PLPP3: variants seen among roughly 807,000 people sequenced by gnomAD.
The protein encoded by PLPP3 is PAP2 beta.
Under a neutral mutation model 29.6 loss-of-function variants are expected in PLPP3, and 6 were observed. The observed-to-expected ratio is 0.20, with a 90% CI of 0.11 to 0.40. The LOEUF is 0.40. Among genes scored for constraint, PLPP3 ranks in the 10% least tolerant of loss-of-function variants. The probability of loss-of-function intolerance (pLI) is 1.00; values close to 1 mark genes in which losing one functional copy is unlikely to be tolerated. For missense variants in PLPP3, 308 were observed against 407.7 expected (o/e 0.76, Z 2.11); for synonymous variants, 152 against 159.7 (o/e 0.95, Z 0.36).
At chr1:56,533,003 G>A (rs1352298864) in intron 2 of PLPP3, among the ~76,000 whole-genome samples, 1 of 151,898 alleles carries the variant, frequency 6.6e-6, no homozygotes, top group African/African-American at 2.4e-5. Context: ...TACCTACCAT[G>A]TGCCCAGAGG....
intron 1 of PLPP3, among the ~76,000 whole-genome samples, chr1:56,554,955 C>T (rs1229064839): frequency 6.6e-6 from 1 of 151,702 alleles, no homozygotes; most frequent in Admixed American, 6.6e-5. Context: ...TTTTTTTTTC[C>T]CAATAAATAT....
At chr1:56,511,294 A>G (rs1019414363) in intron 5 of PLPP3, among the ~76,000 whole-genome samples, 1 of 152,202 alleles carries the variant, frequency 6.6e-6, no homozygotes, top group African/African-American at 2.4e-5. Context: ...GAGATGAAGT[A>G]TGTGAAAAGG....
At chr1:56,500,799 G>C (rs1645662142) in intron 5 of PLPP3, among the ~76,000 whole-genome samples, 1 of 152,064 alleles carries the variant, frequency 6.6e-6, no homozygotes. Flanking sequence ...GAGGTCAGGA[G>C]TTAGAGACCA....
intron 1 of PLPP3, among the ~76,000 whole-genome samples, chr1:56,575,507 G>A (rs561219180): frequency 5.3e-5 from 8 of 152,180 alleles, no homozygotes; most frequent in Non-Finnish European, 8.8e-5. Flanking sequence ...CTGGAAGACT[G>A]GGACCAACTT....
At chr1:56,555,455 A>G (rs796699271) in intron 1 of PLPP3, among the ~76,000 whole-genome samples, 1 of 149,308 alleles carries the variant, frequency 6.7e-6, no homozygotes, top group Admixed American at 6.7e-5. Context: ...AAAAAAAAAA[A>G]AAAAACAAAA....
intron 5 of PLPP3, among the ~76,000 whole-genome samples, chr1:56,503,249 T>G (rs529622042): frequency 6.6e-6 from 1 of 152,274 alleles, no homozygotes; most frequent in South Asian, 2.1e-4. Context: ...AGTGTGACAC[T>G]GGAAATCAGA....
intron 1 of PLPP3, among the ~76,000 whole-genome samples, chr1:56,551,205 C>G (rs1159450062): frequency 6.6e-6 from 1 of 151,716 alleles, no homozygotes; most frequent in Non-Finnish European, 1.5e-5. Flanking sequence ...ACAATGTGAA[C>G]TGCAGAAAAC....
intron 1 of PLPP3, among the ~76,000 whole-genome samples, chr1:56,542,156 G>T (rs1645974969): frequency 6.6e-6 from 1 of 152,114 alleles, no homozygotes. Context: ...AAAGCATGAA[G>T]AAAGGCCCCT....
At chr1:56,527,918 T>C (rs1398008417) in intron 2 of PLPP3, among the ~76,000 whole-genome samples, 3 of 152,144 alleles carry the variant, frequency 2.0e-5, no homozygotes, top group Non-Finnish European at 4.4e-5. Flanking sequence ...ACTTTATTCA[T>C]TACTCACAAT....
At chr1:56,511,907 G>A in intron 5 of PLPP3, 69 bp downstream of exon 5, 1 of 1,580,182 alleles carries the variant, frequency 6.3e-7, no homozygotes, top group Non-Finnish European at 8.7e-7. Context: ...TTTAGTCACT[G>A]AGCTGGAAAC....
chr1:56,565,411 TA>T (rs1356393890), intron 1 of PLPP3, among the ~76,000 whole-genome samples: 7 of 151,850 alleles, frequency 4.6e-5, no homozygotes, highest in African/African-American at 7.3e-5. Context: ...ATAAAAGGCC[TA>T]AAGTCCCTTC....
intron 5 of PLPP3, among the ~76,000 whole-genome samples, chr1:56,500,929 G>A (rs757220374): frequency 1.3e-5 from 2 of 151,028 alleles, no homozygotes; most frequent in Non-Finnish European, 2.9e-5. Flanking sequence ...ACTTGGACCT[G>A]GGAGGCGGAG....
chr1:56,576,531 T>A (rs1026787510), intron 1 of PLPP3, among the ~76,000 whole-genome samples: 1 of 152,206 alleles, frequency 6.6e-6, no homozygotes, highest in African/African-American at 2.4e-5. Context: ...ATTAGTGATA[T>A]TGTAATTGGC....
intron 1 of PLPP3, among the ~76,000 whole-genome samples, chr1:56,549,361 T>C (rs1646024256): frequency 6.6e-6 from 1 of 152,198 alleles, no homozygotes; most frequent in Admixed American, 6.6e-5. Context: ...TCAGTAAGAC[T>C]GCACAAGCAA....
intron 1 of PLPP3, among the ~76,000 whole-genome samples, chr1:56,571,553 C>A (rs553235828): frequency 2.0e-5 from 3 of 152,170 alleles, no homozygotes; most frequent in Admixed American, 1.3e-4. Flanking sequence ...CTCCAAGGTA[C>A]TTCCAAATTC....
chr1:56,556,620 G>A (rs1321420028), intron 1 of PLPP3, among the ~76,000 whole-genome samples: 2 of 151,630 alleles, frequency 1.3e-5, no homozygotes, highest in Non-Finnish European at 2.9e-5. Context: ...TTATGCTAGT[G>A]TCAAAAATGA....
chr1:56,571,357 T>G (rs930159494), intron 1 of PLPP3, among the ~76,000 whole-genome samples: 8 of 152,192 alleles, frequency 5.3e-5, no homozygotes, highest in African/African-American at 1.9e-4. Context: ...AAATGAGGAT[T>G]TATGAGGCAT....
At position 56,579,171 on chromosome 1, in the gene PLPP3, C is replaced by T. The variant is rs1646259722; in HGVS notation, c.-155G>A. ...CGCGGCGGCTAGAGTGCAGCCGGGG[C>T]TGCCTGCCTCCAACTGCAGAAGGTG... On this transcript the variant is annotated 5_prime_UTR_variant, in exon 1 of 6. Transcript: ENST00000371250. The T allele has an allele frequency of 1.4e-5, 13 of 925,848 alleles. No homozygotes were observed. In the Admixed American group the frequency reaches 4.2e-4, roughly 30 times the overall value. The allele number at this position is 925,848 out of a possible 1,614,324, so 57.4% of individuals were successfully genotyped here.
chr1:56,525,122 T>C (rs1464827856), intron 2 of PLPP3, among the ~76,000 whole-genome samples: 1 of 152,174 alleles, frequency 6.6e-6, no homozygotes, highest in Non-Finnish European at 1.5e-5. Context: ...TCAGCAATAA[T>C]CTACATCCTC....
Sources: gnomAD v4.1 joint callset for allele counts (sites outside exome capture counted in the v4.1 genomes callset) on GRCh38, gnomAD v4.1.1 for gene constraint, MANE v1.5 for transcripts, NCBI Gene and HGNC (gene_info 2026-07-23, HGNC 2026-07-21) for gene names.